The following IMPG1 variants were observed in gnomAD, a reference collection of about 807,000 sequenced individuals.
IMPG1 encodes interphotoreceptor matrix proteoglycan of 150 kDa.
IMPG1 carries 85 observed loss-of-function variants against 92.0 expected under a neutral mutation model. The observed-to-expected ratio is 0.92, with a 90% CI of 0.78 to 1.11. The LOEUF (loss-of-function observed/expected upper bound fraction) is 1.11, where lower values mean the gene tolerates loss of function less well. IMPG1 is among the 50% of genes least tolerant of loss of function. The pLI is 0.00. For missense variants in IMPG1, 1,022 were observed against 956.0 expected, an observed-to-expected ratio of 1.07 and a Z score of -0.91; for synonymous variants, 367 against 334.1, an observed-to-expected ratio of 1.10 and a Z score of -1.08.
chr6:75,962,266 T>A (rs1478449009), intron 12 of IMPG1, among the ~76,000 whole-genome samples: 1 of 152,014 alleles, frequency 6.6e-6, no homozygotes, highest in Non-Finnish European at 1.5e-5. Flanking sequence ...ACCATGTGCA[T>A]GCACCACCAC....
Position 75,947,413 on chromosome 6 carries a change from G to A in IMPG1, c.1945C>T (p.Leu649Phe), listed in dbSNP as rs118155926. The A allele has an allele frequency of 3.4e-3, 5,535 of 1,613,864 alleles. 65 individuals are homozygous for A. The highest frequency in any genetic ancestry group is 2.3e-3 in the Non-Finnish European group (2,660 of 1,179,828). The change falls in exon 14 of 17, where the codon CTC becomes TTC. Residue 649 changes from leucine to phenylalanine, a missense_variant. Leu to Phe is a conservative substitution (Grantham distance 22, BLOSUM62 0). Transcript: ENST00000369950. ...AAGACCCCGTGCACAGCCTTGGTGA[G>A]GTTATACGGCACTGACTTAGCAAAC... ...MKFAKSVPYNLTKAVHGVLED... is the reference protein window; with the variant it reads ...MKFAKSVPYNFTKAVHGVLED...
intron 12 of IMPG1, among the ~76,000 whole-genome samples, chr6:75,993,872 G>A (rs974898652): frequency 6.6e-6 from 1 of 152,130 alleles, no homozygotes; most frequent in Non-Finnish European, 1.5e-5. Context: ...AGAGAATAGC[G>A]CTCAATAGGT....
intron 2 of IMPG1, among the ~76,000 whole-genome samples, chr6:76,037,652 C>G (rs1308405462): frequency 6.6e-6 from 1 of 152,206 alleles, no homozygotes; most frequent in Non-Finnish European, 1.5e-5. Context: ...CTAAGCAAAC[C>G]AGCTGCCTTT....
chr6:75,946,935 C>T (rs747370014), intron 14 of IMPG1, among the ~76,000 whole-genome samples: 9 of 151,868 alleles, frequency 5.9e-5, no homozygotes, highest in East Asian at 1.9e-4. Flanking sequence ...TAGGAAGCCC[C>T]GAGGTTGTTG....
chr6:75,972,441 C>CT (rs1389437980), intron 12 of IMPG1, among the ~76,000 whole-genome samples: 12 of 151,768 alleles, frequency 7.9e-5, no homozygotes, highest in East Asian at 3.9e-4. Flanking sequence ...CCTCTCTCCC[C>CT]TTTTTTTTGT....
intron 1 of IMPG1, among the ~76,000 whole-genome samples, chr6:76,059,863 C>T (rs965142681): frequency 6.6e-6 from 1 of 152,124 alleles, no homozygotes; most frequent in African/African-American, 2.4e-5. Context: ...CTAAACTGAT[C>T]TGGGTACAAT....
intron 7 of IMPG1, among the ~76,000 whole-genome samples, chr6:76,014,270 C>G (rs1783244519): frequency 6.6e-6 from 1 of 152,178 alleles, no homozygotes; most frequent in Admixed American, 6.5e-5. Flanking sequence ...TCTCTTACTC[C>G]CCCAAGTGAG....
At chr6:75,933,464 G>T (rs1408052848) in intron 14 of IMPG1, among the ~76,000 whole-genome samples, 1 of 152,140 alleles carries the variant, frequency 6.6e-6, no homozygotes, top group Non-Finnish European at 1.5e-5. Context: ...TTGCTTGCTG[G>T]CAAAATGACT....
intron 12 of IMPG1, among the ~76,000 whole-genome samples, chr6:75,983,696 GC>G (rs1782666681): frequency 6.6e-6 from 1 of 152,038 alleles, no homozygotes; most frequent in South Asian, 2.1e-4. Flanking sequence ...AACTCTAAAA[GC>G]ACAGGCAGCA....
At chr6:75,961,553 T>A (rs910016374) in intron 12 of IMPG1, among the ~76,000 whole-genome samples, 6 of 151,778 alleles carry the variant, frequency 4.0e-5, no homozygotes, top group African/African-American at 1.5e-4. Context: ...ACCAAAACAA[T>A]ACAAGGAAAA....
intron 1 of IMPG1, among the ~76,000 whole-genome samples, chr6:76,060,642 G>T (rs1784190024): frequency 6.6e-6 from 1 of 152,184 alleles, no homozygotes. Context: ...AGTGGTTGCT[G>T]AAAACTGTCC....
chr6:75,956,444 C>T (rs546479241), intron 12 of IMPG1, among the ~76,000 whole-genome samples: 45 of 152,224 alleles, frequency 3.0e-4, no homozygotes, highest in Non-Finnish European at 5.0e-4. Context: ...GTGATGATAT[C>T]CCCTTTAGCA....
chr6:75,934,970 G>C (rs2149451721), intron 14 of IMPG1: 1 of 471,526 alleles, frequency 2.1e-6, no homozygotes, highest in East Asian at 6.9e-5. Context: ...TCCTGTCCAA[G>C]GGCAAGGTTT....
intron 12 of IMPG1, among the ~76,000 whole-genome samples, chr6:75,956,655 T>C (rs1032001668): frequency 2.0e-5 from 3 of 152,188 alleles, no homozygotes; most frequent in Non-Finnish European, 4.4e-5. Flanking sequence ...TGTTTGCTCT[T>C]GCTTCTCTAA....
At chr6:75,952,124 GGT>G (rs1413666974) in intron 12 of IMPG1, among the ~76,000 whole-genome samples, 1 of 152,096 alleles carries the variant, frequency 6.6e-6, no homozygotes, top group African/African-American at 2.4e-5. Context: ...CTGAGAAAGT[GGT>G]GGGAACTTTC....
chr6:75,976,867 G>T (rs1209624765), intron 12 of IMPG1, among the ~76,000 whole-genome samples: 2 of 150,864 alleles, frequency 1.3e-5, no homozygotes, highest in Non-Finnish European at 2.9e-5. Flanking sequence ...AACTGAGATT[G>T]TGCCACTGCA....
chr6:75,987,110 T>C (rs188304284), intron 12 of IMPG1, among the ~76,000 whole-genome samples: 1 of 152,276 alleles, frequency 6.6e-6, no homozygotes, highest in East Asian at 1.9e-4. Context: ...ATTGCAGTAC[T>C]AGTTTCCTGT....
intron 1 of IMPG1, among the ~76,000 whole-genome samples, chr6:76,069,858 T>C (rs1309292857): frequency 6.6e-6 from 1 of 152,164 alleles, no homozygotes; most frequent in Non-Finnish European, 1.5e-5. Context: ...GAGACCGCTA[T>C]CCTAAGTAAA....
rs535503771 is a variant in IMPG1, at chr6:75,994,946, G to A, written c.1291+7972C>T. ...GTGCTCACTAACCACTGACTAAAAA[G>A]AGGTAAGAGGAGGGCAATATTTGAA... is the stretch of plus-strand genomic sequence containing the variant. On this transcript the variant is annotated intron_variant, in intron 12 of 16. Coordinates refer to ENST00000369950, the MANE Select transcript of IMPG1 (RefSeq NM_001563.4). Among the ~76,000 whole-genome samples the A allele has an allele frequency of 2.6e-5, 4 of 152,302 alleles. No homozygotes were observed. In the South Asian group the frequency reaches 8.3e-4, roughly 32 times the overall value.
Sources: allele counts gnomAD v4.1 joint callset (sites outside exome capture counted in the v4.1 genomes callset), GRCh38; gene constraint gnomAD v4.1.1; transcripts MANE v1.5; gene names NCBI Gene and HGNC (gene_info 2026-07-23, HGNC 2026-07-21).